Variants in RBFOX1 observed in about 807,000 individuals in gnomAD.
RBFOX1 encodes RNA binding protein fox-1 homolog 1.
In RBFOX1, 8 loss-of-function variants were observed where a neutral mutation model predicts 57.7. The ratio of observed to expected loss-of-function variants is 0.14; its 90% CI spans 0.08 to 0.25. RBFOX1 has a LOEUF of 0.25. Among genes scored for constraint, RBFOX1 ranks in the 10% least tolerant of loss-of-function variants. RBFOX1 has a pLI of 1.00. For synonymous variants in RBFOX1, 326 were observed against 222.4 expected (o/e 1.47, Z -4.15); for missense variants, 611 against 548.5 (o/e 1.11, Z -1.14).
rs572098167 is a variant in RBFOX1, at chr16:7,675,751, G to C, written c.931-1023G>C. 5.3e-5 allele frequency among the ~76,000 whole-genome samples: 8 copies of C among 152,246 alleles called. No individual in the cohort carries two copies. The South Asian group carries it at 1.7e-3, about 32-fold the overall frequency. ...ACCTTCTCACACACTACTTTGTCCTGAGTTGCCCCTTTATGGTGATGGTGA... is the reference window on the plus strand; with the variant it reads ...ACCTTCTCACACACTACTTTGTCCTCAGTTGCCCCTTTATGGTGATGGTGA... On this transcript the variant is annotated intron_variant, in intron 13 of 15. Transcript: ENST00000550418.
chr16:5,554,502 C>T (rs955899020), intron 2 of RBFOX1, among the ~76,000 whole-genome samples: 3 of 151,906 alleles, frequency 2.0e-5, no homozygotes, highest in African/African-American at 4.8e-5. Flanking sequence ...TGTATATTAA[C>T]ATTTTAATAA....
At chr16:6,891,227 A>G (rs1396371327) in intron 3 of RBFOX1, among the ~76,000 whole-genome samples, 3 of 152,236 alleles carry the variant, frequency 2.0e-5, no homozygotes, top group Admixed American at 6.5e-5. Flanking sequence ...TACAAATTAT[A>G]GAATATGAAT....
chr16:7,196,517 G>C (rs945435764), intron 4 of RBFOX1, among the ~76,000 whole-genome samples: 1 of 152,180 alleles, frequency 6.6e-6, no homozygotes. Context: ...CAATGTGCAG[G>C]TTAGTGCAAC....
At chr16:5,499,151 A>G (rs758687722) in intron 2 of RBFOX1, among the ~76,000 whole-genome samples, 15 of 152,178 alleles carry the variant, frequency 9.9e-5, no homozygotes, top group Non-Finnish European at 2.1e-4. Context: ...GTTCTAGGTC[A>G]TAAGCTCTGA....
At chr16:7,049,465 T>TAA (rs140418765) in intron 3 of RBFOX1, among the ~76,000 whole-genome samples, 2,711 of 148,716 alleles carry the variant, frequency 0.018, 84 homozygotes, top group African/African-American at 0.063. Flanking sequence ...AGAACAGTAA[T>TAA]AAAAAAAAAA....
chr16:6,948,238 C>A (rs553525939), intron 3 of RBFOX1, among the ~76,000 whole-genome samples: 8 of 151,676 alleles, frequency 5.3e-5, no homozygotes, highest in Admixed American at 2.0e-4. Flanking sequence ...TCAAGACCAG[C>A]CTGGGCAATA....
At chr16:7,445,487 C>T (rs763258622) in intron 4 of RBFOX1, among the ~76,000 whole-genome samples, 5 of 152,156 alleles carry the variant, frequency 3.3e-5, no homozygotes, top group Non-Finnish European at 5.9e-5. Flanking sequence ...CATAAATGAA[C>T]TTCTCAAAAT....
chr16:7,340,459 C>A (rs1183095126), intron 4 of RBFOX1, among the ~76,000 whole-genome samples: 1 of 152,188 alleles, frequency 6.6e-6, no homozygotes, highest in Non-Finnish European at 1.5e-5. Flanking sequence ...TACCTGGTAT[C>A]TTCTCCGTTG....
chr16:7,697,923 C>T (rs1032274855), intron 14 of RBFOX1, among the ~76,000 whole-genome samples: 1 of 152,068 alleles, frequency 6.6e-6, no homozygotes, highest in Non-Finnish European at 1.5e-5. Flanking sequence ...TTGGCTTGTC[C>T]CCTTCAGGCA....
At chr16:7,234,519 C>T (rs1206189590) in intron 4 of RBFOX1, among the ~76,000 whole-genome samples, 5 of 151,884 alleles carry the variant, frequency 3.3e-5, no homozygotes, top group African/African-American at 1.2e-4. Flanking sequence ...GGAATATAAG[C>T]ATCGTGTCCT....
At chr16:5,295,656 T>C (rs2063648692) in intron 1 of RBFOX1, among the ~76,000 whole-genome samples, 1 of 152,166 alleles carries the variant, frequency 6.6e-6, no homozygotes, top group Non-Finnish European at 1.5e-5. Context: ...ACATGGCAGC[T>C]CACATCTTCA....
At chr16:5,500,227 G>GTTCCA (rs1246233633) in intron 2 of RBFOX1, among the ~76,000 whole-genome samples, 8 of 129,592 alleles carry the variant, frequency 6.2e-5, no homozygotes, top group Non-Finnish European at 1.2e-4. Flanking sequence ...GTTCCGTTCC[G>GTTCCA]TTCCATTCCA....
chr16:6,029,258 A>G (rs2095252254), intron 1 of RBFOX1, among the ~76,000 whole-genome samples: 1 of 152,208 alleles, frequency 6.6e-6, no homozygotes, highest in African/African-American at 2.4e-5. Flanking sequence ...GTGTAAACCT[A>G]AAATAATCTT....
intron 1 of RBFOX1, among the ~76,000 whole-genome samples, chr16:6,107,326 C>G (rs1397150714): frequency 2.0e-5 from 3 of 152,010 alleles, no homozygotes; most frequent in Non-Finnish European, 2.9e-5. Flanking sequence ...CCAGGCAAGT[C>G]ACTTTCCTAA....
At chr16:6,479,179 T>A (rs1279950728) in intron 2 of RBFOX1, among the ~76,000 whole-genome samples, 4 of 152,210 alleles carry the variant, frequency 2.6e-5, no homozygotes, top group African/African-American at 9.7e-5. Context: ...AAGACATACC[T>A]GAGACTGCGT....
rs1567747539 is a variant in RBFOX1 at position 6,892,775 on chromosome 16, C to CTCTCT, written c.-15-159282_-15-159281insTCTCT. 2.6e-3 allele frequency among the ~76,000 whole-genome samples: 222 copies of CTCTCT among 84,734 alleles called. 24 individuals carry two copies. The highest frequency in any genetic ancestry group is 6.7e-3 in the African/African-American group (132 of 19,652). 55.6% of individuals were successfully genotyped at this position (84,734 alleles called of 152,430 possible). ...CATATTCTCAAAGCCTCCCTGTCTCCCTCTCTCTCTCTCTCTCTCTCTCTC... is the reference window on the plus strand; with the variant it reads ...CATATTCTCAAAGCCTCCCTGTCTCCTCTCTCTCTCTCTCTCTCTCTCTCTCTCTC... On this transcript the variant is annotated intron_variant, in intron 3 of 15. Coordinates refer to ENST00000550418, the MANE Select transcript of RBFOX1 (RefSeq NM_018723.4).
At chr16:6,635,269 A>C (rs555853587) in intron 2 of RBFOX1, among the ~76,000 whole-genome samples, 1 of 151,694 alleles carries the variant, frequency 6.6e-6, no homozygotes, top group East Asian at 1.9e-4. Flanking sequence ...GATTTTTTGG[A>C]ACATTAGTTC....
At chr16:5,410,205 GA>G (rs74395931) in intron 1 of RBFOX1, among the ~76,000 whole-genome samples, 1 of 150,976 alleles carries the variant, frequency 6.6e-6, no homozygotes, top group Non-Finnish European at 1.5e-5. Context: ...CTCTACAAAA[GA>G]AAAAAACTAC....
intron 3 of RBFOX1, among the ~76,000 whole-genome samples, chr16:6,967,032 C>G (rs2084403015): frequency 6.6e-6 from 1 of 152,156 alleles, no homozygotes; most frequent in African/African-American, 2.4e-5. Context: ...ATCTACTTAT[C>G]TGTACGTGCA....
Sources: allele counts gnomAD v4.1 joint callset (sites outside exome capture counted in the v4.1 genomes callset), GRCh38; gene constraint gnomAD v4.1.1; transcripts MANE v1.5; gene names NCBI Gene and HGNC (gene_info 2026-07-23, HGNC 2026-07-21).